Variants in CDH23 observed in about 807,000 individuals in gnomAD.
CDH23 encodes cadherin related 23.
Under a neutral mutation model 317.1 loss-of-function variants are expected in CDH23, and 189 were observed. The observed-to-expected ratio is 0.60, with a 90% CI of 0.53 to 0.67. The LOEUF is 0.67. Among genes scored for constraint, CDH23 ranks in the 30% least tolerant of loss-of-function variants. CDH23 has a pLI of 0.00. For synonymous variants in CDH23, 1,839 were observed against 1,876.8 expected (o/e 0.98, Z 0.52); for missense variants, 4,401 against 4,592.4 (o/e 0.96, Z 1.20).
chr10:71,800,215 C>T (rs1020364178), intron 52 of CDH23, among the ~76,000 whole-genome samples: 1 of 152,236 alleles, frequency 6.6e-6, no homozygotes, highest in African/African-American at 2.4e-5. Context: ...GTTGGTCAGG[C>T]AGGGCCTTCC....
intron 6 of CDH23, among the ~76,000 whole-genome samples, chr10:71,543,191 G>A (rs1024179956): frequency 6.6e-5 from 10 of 152,374 alleles, no homozygotes; most frequent in African/African-American, 2.4e-4. Flanking sequence ...CAGGAGTACA[G>A]GGAGTTGGGT....
intron 28 of CDH23, chr10:71,714,453 T>C (rs1203263062): frequency 6.6e-6 from 1 of 152,208 alleles, no homozygotes; most frequent in Admixed American, 6.5e-5. Flanking sequence ...AAAGGACCCA[T>C]GCTGCCAAGA....
At chr10:71,696,615 T>C (rs948552654) in intron 22 of CDH23, among the ~76,000 whole-genome samples, 1 of 152,192 alleles carries the variant, frequency 6.6e-6, no homozygotes, top group Non-Finnish European at 1.5e-5. Flanking sequence ...AGCCAGTCAG[T>C]GAACAATGTG....
chr10:71,595,790 G>T (rs1859799967), intron 9 of CDH23, among the ~76,000 whole-genome samples: 1 of 152,168 alleles, frequency 6.6e-6, no homozygotes, highest in Admixed American at 6.5e-5. Context: ...GCCTGGGACT[G>T]CCCAGGTTAT....
chr10:71,493,258 C>T (rs990002884), intron 3 of CDH23, among the ~76,000 whole-genome samples: 2 of 152,166 alleles, frequency 1.3e-5, no homozygotes, highest in Non-Finnish European at 1.5e-5. Flanking sequence ...CTGCCCCTGA[C>T]CTGCCACCCT....
At chr10:71,707,723 G>T (rs1198555963) in intron 26 of CDH23, among the ~76,000 whole-genome samples, 1 of 152,262 alleles carries the variant, frequency 6.6e-6, no homozygotes, top group South Asian at 2.1e-4. Flanking sequence ...ACACATGGGG[G>T]TGCAGTCTTC....
chr10:71,583,258 G>A (rs553797629), intron 9 of CDH23, among the ~76,000 whole-genome samples: 3 of 152,114 alleles, frequency 2.0e-5, no homozygotes, highest in African/African-American at 7.2e-5. Context: ...GTGGGGGCGG[G>A]GGTCCGGTGC....
intron 38 of CDH23, chr10:71,755,498 C>T: frequency 6.3e-7 from 1 of 1,575,058 alleles, no homozygotes; most frequent in Non-Finnish European, 8.7e-7. Flanking sequence ...CAAGGTGAAG[C>T]CCCATTCCCA....
rs574194103 is a variant in CDH23, at chr10:71,479,143, C to T, written c.146-30939C>T. Among the ~76,000 whole-genome samples, 8 of 152,100 alleles carry T rather than the reference C, an allele frequency of 5.3e-5. No homozygotes were observed. The South Asian group carries it at 6.2e-4, about 12-fold the overall frequency. On this transcript the variant is annotated intron_variant, in intron 3 of 69. Coordinates refer to ENST00000224721, the MANE Select transcript of CDH23 (RefSeq NM_022124.6). ...GCTCAGAGAGGTTAAGTGCCCTGAC[C>T]GGGCTCACACAGCAGGTAATTAAAG...
chr10:71,522,144 T>A (rs1326168024), intron 6 of CDH23, among the ~76,000 whole-genome samples: 1 of 151,878 alleles, frequency 6.6e-6, no homozygotes, highest in Non-Finnish European at 1.5e-5. Flanking sequence ...TTTTTTGTCT[T>A]ATTTTTTGAG....
intron 14 of CDH23, among the ~76,000 whole-genome samples, chr10:71,650,880 G>A (rs909546041): frequency 6.6e-6 from 1 of 152,246 alleles, no homozygotes; most frequent in Non-Finnish European, 1.5e-5. Context: ...CTGGGGCCTG[G>A]CAGGGTTTGT....
chr10:71,543,193 G>T (rs1410795081), intron 6 of CDH23, among the ~76,000 whole-genome samples: 1 of 152,244 alleles, frequency 6.6e-6, no homozygotes, highest in Non-Finnish European at 1.5e-5. Flanking sequence ...GGAGTACAGG[G>T]AGTTGGGTGG....
chr10:71,628,152 T>C (rs1861837433), intron 11 of CDH23, among the ~76,000 whole-genome samples: 1 of 152,188 alleles, frequency 6.6e-6, no homozygotes, highest in South Asian at 2.1e-4. Flanking sequence ...CCCATCGCCA[T>C]CATGGGCCGT....
At chr10:71,483,330 G>A (rs1001740387) in intron 3 of CDH23, among the ~76,000 whole-genome samples, 10 of 152,222 alleles carry the variant, frequency 6.6e-5, no homozygotes, top group Admixed American at 5.2e-4. Context: ...ACTTTTTGGG[G>A]AGCAGGCCCA....
At chr10:71,549,263 T>G (rs758061423) in intron 6 of CDH23, among the ~76,000 whole-genome samples, 4 of 152,230 alleles carry the variant, frequency 2.6e-5, no homozygotes, top group Non-Finnish European at 4.4e-5. Flanking sequence ...TGGAAAGAAC[T>G]GGATTTGGCT....
At chr10:71,581,778 G>T (rs1858654627) in intron 9 of CDH23, among the ~76,000 whole-genome samples, 2 of 152,182 alleles carry the variant, frequency 1.3e-5, no homozygotes, top group Non-Finnish European at 2.9e-5. Context: ...CCAAAACAGA[G>T]TTCTGCAGGC....
In CDH23 at chr10:71,789,119, T is replaced by C. The variant is rs112854062; in HGVS notation, c.5923+77T>C. ...GCCTGGGATGCCTGAGGACCTCCCT[T>C]ATGCCTAACGGCATAGCTGAACCTA... On this transcript the variant is annotated intron_variant, in intron 45 of 69. Transcript: ENST00000224721. 0.017 allele frequency: 12,958 copies of C among 764,086 alleles called. 1,217 individuals are homozygous for C. The African/African-American group carries it at 0.2, about 12-fold the overall frequency. The allele number at this position is 764,086 out of a possible 1,614,324, so 47.3% of individuals were successfully genotyped here. A position where few individuals can be genotyped will look rare whatever the true frequency, so the allele number is the denominator to read the frequency against.
chr10:71,423,294 G>A (rs916744289), intron 1 of CDH23, among the ~76,000 whole-genome samples: 4 of 152,360 alleles, frequency 2.6e-5, no homozygotes, highest in Admixed American at 2.6e-4. Context: ...GACTCCAAAG[G>A]AGGTGATGGC....
intron 20 of CDH23, among the ~76,000 whole-genome samples, chr10:71,692,474 C>T (rs1865221884): frequency 1.3e-5 from 2 of 152,212 alleles, no homozygotes. Flanking sequence ...ACAGGAGAGG[C>T]CATCTATCAT....
Sources: gnomAD v4.1 joint callset for allele counts (sites outside exome capture counted in the v4.1 genomes callset) on GRCh38, gnomAD v4.1.1 for gene constraint, MANE v1.5 for transcripts, NCBI Gene and HGNC (gene_info 2026-07-23, HGNC 2026-07-21) for gene names.